LPP: variants seen among roughly 807,000 people sequenced by gnomAD.
LPP encodes the protein LIM domain containing preferred translocation partner in lipoma, also known as lipoma-preferred partner.
A neutral mutation model predicts 60.4 loss-of-function variants in LPP; 38 were observed. The observed-to-expected ratio is 0.63, with a 90% CI of 0.49 to 0.83. LPP has a LOEUF of 0.83. Among genes scored for constraint, LPP ranks in the 40% least tolerant of loss-of-function variants. LPP has a pLI of 0.00. For synonymous variants in LPP, 328 were observed against 290.8 expected, an observed-to-expected ratio of 1.13 and a Z score of -1.30; for missense variants, 902 against 783.6, an observed-to-expected ratio of 1.15 and a Z score of -1.80.
chr3:188,230,673 T>C (rs533361610), intron 2 of LPP, among the ~76,000 whole-genome samples: 1 of 150,578 alleles, frequency 6.6e-6, no homozygotes, highest in South Asian at 2.1e-4. Context: ...CTCGGGAGGC[T>C]GAGGCAGGAG....
intron 2 of LPP, among the ~76,000 whole-genome samples, chr3:188,308,761 C>A (rs989038399): frequency 6.6e-6 from 1 of 152,162 alleles, no homozygotes; most frequent in East Asian, 1.9e-4. Context: ...GATAAAACTT[C>A]GGTCAAGGAC....
chr3:188,421,923 C>T (rs1787918736), intron 4 of LPP, among the ~76,000 whole-genome samples: 3 of 152,088 alleles, frequency 2.0e-5, no homozygotes. Flanking sequence ...CTCCTAAGTA[C>T]CCCACCCGTA....
At chr3:188,685,642 T>C (rs1454022119) in intron 7 of LPP, among the ~76,000 whole-genome samples, 1 of 152,090 alleles carries the variant, frequency 6.6e-6, no homozygotes, top group East Asian at 1.9e-4. Flanking sequence ...ACTGCTAAAC[T>C]TGCAGTCCTG....
chr3:188,689,697 G>A (rs554666349), intron 7 of LPP, among the ~76,000 whole-genome samples: 38 of 152,256 alleles, frequency 2.5e-4, no homozygotes, highest in Non-Finnish European at 4.7e-4. Flanking sequence ...AGGTCCATAT[G>A]GTAAGAATTA....
chr3:188,306,756 C>T (rs1416597861), intron 2 of LPP, among the ~76,000 whole-genome samples: 6 of 152,150 alleles, frequency 3.9e-5, no homozygotes, highest in Non-Finnish European at 8.8e-5. Flanking sequence ...TAATTATTGC[C>T]ACGTGGAGAT....
chr3:188,374,029 A>G (rs1234395123), intron 3 of LPP, among the ~76,000 whole-genome samples: 5 of 151,996 alleles, frequency 3.3e-5, no homozygotes, highest in Non-Finnish European at 5.9e-5. Context: ...GATATGCGGC[A>G]TTATTTCTGA....
Position 188,703,825 on chromosome 3 carries a change from T to G in LPP, c.1114-4442T>G, listed in dbSNP as rs1038489966. Among the ~76,000 whole-genome samples the G allele has an allele frequency of 1.6e-4, 24 of 152,322 alleles. 1 individual carries two copies. Among genetic ancestry groups the G allele is most frequent in the African/African-American group, 5.5e-4 (23 of 41,576 alleles). On this transcript the variant is annotated intron_variant, in intron 7 of 11. Coordinates refer to ENST00000617246, the MANE Select transcript of LPP (RefSeq NM_001375462.1). ...AAGGTAAGTACTTTGAAATTAGATT[T>G]ATACTTGAAATGTAAGTGCTAGGGG... is the stretch of plus-strand genomic sequence containing the variant.
chr3:188,162,079 C>G (rs1216103699), intron 1 of LPP, among the ~76,000 whole-genome samples: 1 of 152,176 alleles, frequency 6.6e-6, no homozygotes, highest in Admixed American at 6.5e-5. Context: ...AAGGTAGATC[C>G]TCCTGTGTTT....
At position 188,777,291 on chromosome 3, in the gene LPP, GT is replaced by G. The variant is rs371983065; in HGVS notation, c.1410+17024del. On this transcript the variant is annotated intron_variant, in intron 9 of 11. Coordinates refer to ENST00000617246, the MANE Select transcript of LPP (RefSeq NM_001375462.1). ...ATCCATTTTCTAACTATGCATCTAG[GT>G]TTTTTTTTTTTTTTACCTCTGCGTC... Among the ~76,000 whole-genome samples, 1,172 of 140,650 alleles carry G rather than the reference GT, an allele frequency of 8.3e-3. 5 individuals carry two copies. Among genetic ancestry groups the G allele is most frequent in the African/African-American group, 0.019 (743 of 38,634 alleles). 92.3% of individuals were successfully genotyped at this position (140,650 alleles called of 152,430 possible).
At chr3:188,501,311 G>T (rs1439391595) in intron 5 of LPP, among the ~76,000 whole-genome samples, 3 of 151,988 alleles carry the variant, frequency 2.0e-5, no homozygotes, top group African/African-American at 7.3e-5. Context: ...TTGATCCATT[G>T]TTTGTTAAAG....
At chr3:188,327,898 T>C (rs1362674879) in intron 2 of LPP, among the ~76,000 whole-genome samples, 1 of 152,134 alleles carries the variant, frequency 6.6e-6, no homozygotes, top group African/African-American at 2.4e-5. Flanking sequence ...ATATTTACCA[T>C]ATTCAAAAAA....
At chr3:188,721,100 A>G (rs1716179142) in intron 8 of LPP, among the ~76,000 whole-genome samples, 2 of 152,158 alleles carry the variant, frequency 1.3e-5, no homozygotes, top group Admixed American at 1.3e-4. Flanking sequence ...TAAACTATCC[A>G]TAGTATTATT....
At chr3:188,216,710 G>A (rs1713765566) in intron 1 of LPP, among the ~76,000 whole-genome samples, 1 of 152,174 alleles carries the variant, frequency 6.6e-6, no homozygotes, top group Admixed American at 6.5e-5. Flanking sequence ...TAAGCATCCT[G>A]TCTCTAACTC....
At chr3:188,388,468 G>A (rs1413007193) in intron 3 of LPP, among the ~76,000 whole-genome samples, 2 of 152,152 alleles carry the variant, frequency 1.3e-5, no homozygotes, top group Non-Finnish European at 2.9e-5. Flanking sequence ...CATTTATAAG[G>A]CAACTCTGAT....
Position 188,882,401 on chromosome 3 carries a change from A to G in LPP, c.*7922A>G. ...ATAATCAGGCTGAATGGGAAGAAAA[A>G]GGCATAGAGGAAGCCTGAGGAAGTA... On this transcript the variant is annotated 3_prime_UTR_variant, in exon 12 of 12. Coordinates refer to ENST00000617246, the MANE Select transcript of LPP (RefSeq NM_001375462.1). 4.4e-6 allele frequency: 1 copy of G among 226,126 alleles called. No homozygotes were observed. 14.0% of individuals were successfully genotyped at this position (226,126 alleles called of 1,614,324 possible).
At chr3:188,509,761 C>T (rs1429555591) in intron 5 of LPP, among the ~76,000 whole-genome samples, 39 of 149,214 alleles carry the variant, frequency 2.6e-4, no homozygotes, top group African/African-American at 8.4e-4. Context: ...GGCATGATCT[C>T]GGCTCACTGC....
intron 1 of LPP, among the ~76,000 whole-genome samples, chr3:188,207,064 A>ATTAT (rs143245469): frequency 0.063 from 9,607 of 151,994 alleles, 349 homozygotes; most frequent in South Asian, 0.13. Context: ...CTCTGCTTTT[A>ATTAT]TTATTTATTT....
At chr3:188,350,077 C>T (rs1765433432) in intron 3 of LPP, among the ~76,000 whole-genome samples, 1 of 152,214 alleles carries the variant, frequency 6.6e-6, no homozygotes, top group South Asian at 2.1e-4. Flanking sequence ...AGGCAGGCAA[C>T]ATGGCATGTT....
At chr3:188,798,158 T>C (rs974169123) in intron 9 of LPP, among the ~76,000 whole-genome samples, 4 of 152,318 alleles carry the variant, frequency 2.6e-5, no homozygotes, top group African/African-American at 9.6e-5. Context: ...ATGACAAATT[T>C]AATAGTGAAT....
Sources: gnomAD v4.1 joint callset for allele counts (sites outside exome capture counted in the v4.1 genomes callset) on GRCh38, gnomAD v4.1.1 for gene constraint, MANE v1.5 for transcripts, NCBI Gene and HGNC (gene_info 2026-07-23, HGNC 2026-07-21) for gene names.